RMST: variants seen among roughly 807,000 people sequenced by gnomAD.
RMST encodes the protein rhabdomyosarcoma 2 associated transcript, also known as long intergenic non-protein coding RNA 54.
intron 10 of RMST, among the ~76,000 whole-genome samples, chr12:97,512,373 C>T (rs1449961700): frequency 2.0e-5 from 3 of 152,252 alleles, no homozygotes; most frequent in African/African-American, 7.2e-5. Flanking sequence ...GTAAGGGGAC[C>T]CGAGCCGGTT....
chr12:97,553,944 T>C (rs1461545631), intron 11 of RMST, among the ~76,000 whole-genome samples: 4 of 149,932 alleles, frequency 2.7e-5, no homozygotes, highest in Admixed American at 2.6e-4. Context: ...TTTTCTTTTC[T>C]TTCTCTTTTT....
intron 5 of RMST, among the ~76,000 whole-genome samples, chr12:97,491,292 G>C (rs1876776358): frequency 6.6e-6 from 1 of 152,184 alleles, no homozygotes; most frequent in African/African-American, 2.4e-5. Flanking sequence ...TGTTTGAATG[G>C]ATGGAAGGGA....
At chr12:97,513,108 C>G (rs1029387814) in intron 10 of RMST, among the ~76,000 whole-genome samples, 1 of 152,204 alleles carries the variant, frequency 6.6e-6, no homozygotes, top group Non-Finnish European at 1.5e-5. Flanking sequence ...CGGGTTCCCA[C>G]CTGCGCCTCT....
intron 5 of RMST, among the ~76,000 whole-genome samples, chr12:97,467,097 C>T (rs1423525378): frequency 6.6e-6 from 1 of 151,838 alleles, no homozygotes; most frequent in African/African-American, 2.4e-5. Context: ...ACTTTGTTTG[C>T]CAGATGTCAT....
intron 5 of RMST, among the ~76,000 whole-genome samples, chr12:97,484,909 T>C (rs1025213119): frequency 3.3e-5 from 5 of 152,160 alleles, no homozygotes; most frequent in Non-Finnish European, 7.4e-5. Flanking sequence ...CTTTCTGCAG[T>C]TATTTCTTGC....
At chr12:97,508,536 T>C (rs899662549) in intron 10 of RMST, among the ~76,000 whole-genome samples, 2 of 152,216 alleles carry the variant, frequency 1.3e-5, no homozygotes, top group African/African-American at 4.8e-5. Context: ...ATAGCTGGTT[T>C]GAAGACTAGG....
In RMST at chr12:97,479,701, T is replaced by A. The variant is rs557559859; in HGVS notation, n.645-12760T>A. The stretch of plus-strand genomic sequence containing the variant: ...CTCCTTCCTGGACTTCCCTTCTTCC[T>A]CTTCCCCTGGGTTCATCCTCAGCCC... On this transcript the variant is annotated intron_variant and non_coding_transcript_variant, in intron 5 of 13. Coordinates refer to ENST00000640149, the Ensembl canonical transcript of RMST. Among the ~76,000 whole-genome samples the A allele has an allele frequency of 2.4e-4, 36 of 152,300 alleles. 1 individual carries two copies. Among genetic ancestry groups the A allele is most frequent in the Non-Finnish European group, 1.5e-5 (1 of 68,018 alleles).
At chr12:97,482,753 AAATAAATTTATATTATTTATTTAT>A (rs1875551605) in intron 5 of RMST, among the ~76,000 whole-genome samples, 2 of 41,196 alleles carry the variant, frequency 4.9e-5, no homozygotes, top group African/African-American at 1.6e-4. Context: ...TTTATTTATT[AAATAAATTTATATTATTTATTTAT>A]TAAATAAATT....
At chr12:97,523,624 G>T (rs1468826315) in intron 10 of RMST, among the ~76,000 whole-genome samples, 1 of 152,110 alleles carries the variant, frequency 6.6e-6, no homozygotes, top group Admixed American at 6.6e-5. Flanking sequence ...CAATTAAAAA[G>T]AATGATACAA....
At chr12:97,532,471 A>C (rs1881717234) in intron 11 of RMST, among the ~76,000 whole-genome samples, 1 of 151,912 alleles carries the variant, frequency 6.6e-6, no homozygotes, top group African/African-American at 2.4e-5. Context: ...TAAGTAGATG[A>C]CAATTACAGA....
intron 10 of RMST, among the ~76,000 whole-genome samples, chr12:97,496,636 C>T (rs969220663): frequency 8.5e-5 from 13 of 152,146 alleles, no homozygotes; most frequent in African/African-American, 3.1e-4. Flanking sequence ...TATCACTATG[C>T]TGATCCTTGA....
chr12:97,512,285 T>C (rs1190202184), intron 10 of RMST, among the ~76,000 whole-genome samples: 1 of 152,128 alleles, frequency 6.6e-6, no homozygotes, highest in Non-Finnish European at 1.5e-5. Context: ...TTACAGCTCA[T>C]AAAGGCAGTG....
At chr12:97,462,850 C>T (rs1212277293) in exon 3 of RMST, 1 of 152,272 alleles carries the variant, frequency 6.6e-6, no homozygotes, top group Non-Finnish European at 1.5e-5. Context: ...TGGAGAAGGT[C>T]TGCCGCTGTC....
chr12:97,480,027 T>A (rs1221700500), intron 5 of RMST, among the ~76,000 whole-genome samples: 1 of 152,154 alleles, frequency 6.6e-6, no homozygotes, highest in Non-Finnish European at 1.5e-5. Flanking sequence ...CCCACTTTTG[T>A]TTTCCATATC....
chr12:97,516,739 G>A (rs1879978322), intron 10 of RMST, among the ~76,000 whole-genome samples: 1 of 151,750 alleles, frequency 6.6e-6, no homozygotes, highest in Admixed American at 6.6e-5. Context: ...TTAGTTTTGT[G>A]TTAATTGCTT....
chr12:97,513,258 A>C (rs1006908197), intron 10 of RMST, among the ~76,000 whole-genome samples: 6 of 152,244 alleles, frequency 3.9e-5, no homozygotes, highest in African/African-American at 1.4e-4. Flanking sequence ...AGGTGCCGAG[A>C]GCAAGCGAGG....
chr12:97,470,689 A>G (rs1185757569), intron 5 of RMST, among the ~76,000 whole-genome samples: 1 of 151,990 alleles, frequency 6.6e-6, no homozygotes, highest in Non-Finnish European at 1.5e-5. Context: ...GGAAAGTGCA[A>G]TTGTGTTGTG....
At chr12:97,551,292 G>T (rs1021784353) in intron 11 of RMST, among the ~76,000 whole-genome samples, 3 of 150,370 alleles carry the variant, frequency 2.0e-5, no homozygotes, top group South Asian at 2.1e-4. Flanking sequence ...AATATAGAAA[G>T]GTAGATAAAG....
chr12:97,470,079 G>C (rs714892), intron 5 of RMST, among the ~76,000 whole-genome samples: 1 of 151,970 alleles, frequency 6.6e-6, no homozygotes, highest in Non-Finnish European at 1.5e-5. Context: ...TTTTGCCACT[G>C]CCTTCTCAAA....
Sources: allele counts gnomAD v4.1 joint callset (sites outside exome capture counted in the v4.1 genomes callset), GRCh38; gene constraint gnomAD v4.1.1; transcripts MANE v1.5; gene names NCBI Gene and HGNC (gene_info 2026-07-23, HGNC 2026-07-21).